Variants in UBE2F observed in about 807,000 individuals in gnomAD.
The protein encoded by UBE2F is ubiquitin conjugating enzyme E2 F (putative).
UBE2F carries 5 observed loss-of-function variants against 29.6 expected under a neutral mutation model. The ratio of observed to expected loss-of-function variants is 0.17; its 90% confidence interval spans 0.09 to 0.36. The LOEUF is 0.36. Among genes scored for constraint, UBE2F ranks in the 10% least tolerant of loss-of-function variants. The probability of loss-of-function intolerance (pLI) is 1.00; values close to 1 mark genes in which losing one functional copy is unlikely to be tolerated. For missense variants in UBE2F, 141 were observed against 228.5 expected (o/e 0.62, Z 2.47); for synonymous variants, 66 against 81.8 (o/e 0.81, Z 1.04).
At chr2:238,003,524 T>G in intron 4 of UBE2F, 1 of 406,808 alleles carries the variant, frequency 2.5e-6, no homozygotes, top group Admixed American at 2.6e-5. Context: ...TCAGGCTTCC[T>G]GAAGTGAGTA....
intron 2 of UBE2F, chr2:237,973,790 A>G (rs934213955): frequency 4.3e-6 from 4 of 938,346 alleles, no homozygotes; most frequent in South Asian, 1.6e-5. Context: ...GGTAAAATGT[A>G]TGAGAGTATG....
intron 3 of UBE2F, among the ~76,000 whole-genome samples, chr2:237,990,911 T>C (rs2063575206): frequency 6.6e-6 from 1 of 152,154 alleles, no homozygotes; most frequent in South Asian, 2.1e-4. Context: ...CCACTGTGCA[T>C]GGCCAACACA....
At chr2:238,008,023 G>A (rs1009460292) in intron 4 of UBE2F, among the ~76,000 whole-genome samples, 5 of 152,082 alleles carry the variant, frequency 3.3e-5, no homozygotes, top group South Asian at 4.2e-4. Context: ...GCACGATCAC[G>A]CCTCACTGCA....
chr2:238,026,574 C>T (rs910727631), intron 6 of UBE2F, among the ~76,000 whole-genome samples: 3 of 152,170 alleles, frequency 2.0e-5, no homozygotes, highest in Non-Finnish European at 4.4e-5. Flanking sequence ...GCTGGGACTA[C>T]AGGCGCCTAC....
chr2:237,974,621 C>A lies in UBE2F; in HGVS notation c.118+1396C>A, dbSNP rs151288819. On this transcript the variant is annotated intron_variant, in intron 2 of 9. Coordinates refer to ENST00000272930, the MANE Select transcript of UBE2F (RefSeq NM_080678.3). ...CTCTGCCCCCAGGGTTCAAGTGATT[C>A]TCCCGCCTCAGCCTCCATAGTAGCT... 2.0e-3 allele frequency among the ~76,000 whole-genome samples: 293 copies of A among 147,466 alleles called. 2 individuals carry two copies. The highest frequency in any genetic ancestry group is 6.9e-3 in the African/African-American group (277 of 39,946).
chr2:238,012,143 C>G (rs1334995290), intron 4 of UBE2F, among the ~76,000 whole-genome samples: 1 of 151,648 alleles, frequency 6.6e-6, no homozygotes, highest in Non-Finnish European at 1.5e-5. Context: ...CTTGGCCCCA[C>G]AAAGTGCTGG....
intron 6 of UBE2F, among the ~76,000 whole-genome samples, chr2:238,028,114 C>G (rs2064477599): frequency 1.3e-5 from 2 of 152,220 alleles, no homozygotes; most frequent in Admixed American, 1.3e-4. Context: ...CTGGGACTAT[C>G]CTCTGTGAGG....
At position 237,967,038 on chromosome 2, in the gene UBE2F, C is replaced by T. The variant is rs575132638; in HGVS notation, c.-111C>T. On this transcript the variant is annotated 5_prime_UTR_variant, in exon 1 of 10. Transcript: ENST00000272930. The surrounding 1 kb of genome is among the most constrained non-coding windows in gnomAD (Gnocchi z 6.3). ...CACTTCCGGTCCCGCCGCCGGGAGC[C>T]GGTGCGGCTGTGAGGGGCCGCGTCT... 2.3e-6 allele frequency: 3 copies of T among 1,287,424 alleles called. No individual in the cohort carries two copies. The highest frequency in any genetic ancestry group is 4.1e-5 in the Admixed American group (1 of 24,210). The allele number at this position is 1,287,424 out of a possible 1,614,324, so 79.8% of individuals were successfully genotyped here.
intron 2 of UBE2F, chr2:237,973,606 T>C (rs1271717358): frequency 8.6e-7 from 1 of 1,165,056 alleles, no homozygotes; most frequent in East Asian, 5.8e-5. Context: ...GGGGAAGGAG[T>C]CAAATTTTGT....
rs1235119667 is a variant in UBE2F at position 237,967,902 on chromosome 2, GT to G, written c.-17+771del. ...CTCATCTGTCACAGGAGAGAATTGG[GT>G]CCCCCCACTCTGCATTCCCGACCGC... On this transcript the variant is annotated intron_variant, in intron 1 of 9. Coordinates refer to ENST00000272930, the MANE Select transcript of UBE2F (RefSeq NM_080678.3). This position sits in a 1 kb window ranked among gnomAD's most constrained non-coding sequence, Gnocchi z 6.3. 2.6e-5 allele frequency among the ~76,000 whole-genome samples: 4 copies of G among 152,010 alleles called. No homozygotes were observed. The highest frequency in any genetic ancestry group is 7.3e-5 in the African/African-American group (3 of 41,366).
intron 2 of UBE2F, among the ~76,000 whole-genome samples, chr2:237,987,375 G>A (rs966849267): frequency 2.0e-5 from 3 of 152,084 alleles, no homozygotes; most frequent in Non-Finnish European, 2.9e-5. Context: ...TTTCTTGTCT[G>A]ATTGCTCTGG....
At chr2:238,013,665 T>C (rs2064091444) in intron 4 of UBE2F, among the ~76,000 whole-genome samples, 1 of 152,134 alleles carries the variant, frequency 6.6e-6, no homozygotes. Flanking sequence ...TGAGGCGACA[T>C]ACCCCTTCAA....
chr2:238,016,514 T>C, intron 4 of UBE2F, 52 bp from the exon 5 acceptor site: 3 of 868,194 alleles, frequency 3.5e-6, no homozygotes, highest in Non-Finnish European at 3.3e-6. Flanking sequence ...TTTTGTTTCC[T>C]TTTTTTTTTA....
At chr2:238,024,831 A>C (rs1247946798) in intron 5 of UBE2F, among the ~76,000 whole-genome samples, 1 of 152,236 alleles carries the variant, frequency 6.6e-6, no homozygotes, top group Non-Finnish European at 1.5e-5. Flanking sequence ...CATCTAGGAA[A>C]ACGTATGTGA....
At chr2:237,970,229 A>C (rs1241513338) in intron 1 of UBE2F, among the ~76,000 whole-genome samples, 5 of 152,134 alleles carry the variant, frequency 3.3e-5, no homozygotes, top group Admixed American at 2.6e-4. Context: ...GCTGGACATG[A>C]TGGTGCCTGC....
At chr2:238,038,767 G>A (rs547091642) in intron 9 of UBE2F, among the ~76,000 whole-genome samples, 4 of 152,190 alleles carry the variant, frequency 2.6e-5, no homozygotes, top group East Asian at 1.9e-4. Flanking sequence ...GTCTCCGTGC[G>A]GAGTCATAGT....
chr2:238,027,844 T>C (rs141407860), intron 6 of UBE2F, among the ~76,000 whole-genome samples: 3 of 152,308 alleles, frequency 2.0e-5, no homozygotes, highest in Non-Finnish European at 4.4e-5. Flanking sequence ...CCACAGGCCT[T>C]TCAGTGCTGG....
chr2:238,014,895 A>G (rs756886880), intron 4 of UBE2F, among the ~76,000 whole-genome samples: 1 of 152,210 alleles, frequency 6.6e-6, no homozygotes, highest in Non-Finnish European at 1.5e-5. Context: ...TCCCCAAACA[A>G]GTATCTTTGC....
chr2:238,036,339 A>G lies in UBE2F; in HGVS notation c.507+399A>G, dbSNP rs6719820. ...CAGGTGCATGACACCACATTCAGCT[A>G]ATTTTTTTACTTTTATTTTTTGTAG... On this transcript the variant is annotated intron_variant, in intron 9 of 9. Coordinates refer to ENST00000272930, the MANE Select transcript of UBE2F (RefSeq NM_080678.3). Among the ~76,000 whole-genome samples, 418 of 152,060 alleles carry G rather than the reference A, an allele frequency of 2.7e-3. 1 individual carries two copies. Among genetic ancestry groups the G allele is most frequent in the African/African-American group, 9.7e-3 (403 of 41,484 alleles).
Sources: gnomAD v4.1 joint callset for allele counts (sites outside exome capture counted in the v4.1 genomes callset) on GRCh38, gnomAD v4.1.1 for gene constraint, Gnocchi (gnomAD v3.1) non-coding constraint, MANE v1.5 for transcripts, NCBI Gene and HGNC (gene_info 2026-07-23, HGNC 2026-07-21) for gene names.